The following CPS1 variants were observed in gnomAD, a reference collection of about 807,000 sequenced individuals.
CPS1 encodes the protein carbamoyl-phosphate synthase 1.
Under a neutral mutation model 174.6 loss-of-function variants are expected in CPS1, and 109 were observed. The ratio of observed to expected loss-of-function variants is 0.62; its 90% CI spans 0.53 to 0.73. The LOEUF (loss-of-function observed/expected upper bound fraction) is 0.73. CPS1 is among the 30% of genes least tolerant of loss of function. CPS1 has a pLI of 0.00. For synonymous variants in CPS1, 637 were observed against 632.0 expected (o/e 1.01, Z -0.12); for missense variants, 1,689 against 1,821.9 (o/e 0.93, Z 1.33).
intron 34 of CPS1, chr2:210,672,295 A>G (rs1701336467): frequency 6.6e-6 from 1 of 152,178 alleles, no homozygotes; most frequent in Non-Finnish European, 1.5e-5. Flanking sequence ...GGAAAGTATA[A>G]AAGATTGAGG....
At chr2:210,554,848 C>CACACAA (rs1696855042), upstream of CPS1, among the ~76,000 whole-genome samples, 1 of 151,406 alleles carries the variant, frequency 6.6e-6, no homozygotes, top group Non-Finnish European at 1.5e-5. Flanking sequence ...CACACACACA[C>CACACAA]ACACACACAC....
At chr2:210,494,924 C>T (rs183998571) in intron 1 of CPS1, among the ~76,000 whole-genome samples, 1 of 152,334 alleles carries the variant, frequency 6.6e-6, no homozygotes, top group East Asian at 1.9e-4. Context: ...AAGGCAATGG[C>T]TTTCAGCTAT....
intron 1 of CPS1, among the ~76,000 whole-genome samples, chr2:210,479,836 T>C (rs1409896401): frequency 6.6e-6 from 1 of 152,244 alleles, no homozygotes; most frequent in African/African-American, 2.4e-5. Flanking sequence ...CTTCTTTTAA[T>C]CACTGTAGCT....
intron 1 of CPS1, among the ~76,000 whole-genome samples, chr2:210,496,621 A>G (rs1343348679): frequency 6.6e-6 from 1 of 152,152 alleles, no homozygotes; most frequent in Non-Finnish European, 1.5e-5. Context: ...AGAAGGCATC[A>G]GAGGATACTG....
At position 210,512,764 on chromosome 2, in the gene CPS1, A is replaced by G. The variant is rs1467417203; in HGVS notation, c.3+34998A>G. On this transcript the variant is annotated intron_variant, in intron 1 of 38. Coordinates refer to the CPS1 transcript ENST00000430249. ...TATATATATATATATATATATATAT[A>G]TATATATATATATATATATATGGAG... is the stretch of plus-strand genomic sequence containing the variant. Among the ~76,000 whole-genome samples, 42 of 77,162 alleles carry G rather than the reference A, an allele frequency of 5.4e-4. 3 individuals are homozygous for G. Among genetic ancestry groups the G allele is most frequent in the African/African-American group, 1.6e-3 (22 of 13,790 alleles). 50.6% of individuals were successfully genotyped at this position (77,162 alleles called of 152,430 possible).
At chr2:210,489,254 C>T (rs908892023) in intron 1 of CPS1, among the ~76,000 whole-genome samples, 1 of 152,200 alleles carries the variant, frequency 6.6e-6, no homozygotes, top group Non-Finnish European at 1.5e-5. Flanking sequence ...TCTCTCCTAT[C>T]TCCTAATGGA....
chr2:210,593,594 G>T (rs1305830227), intron 11 of CPS1: 1 of 985,312 alleles, frequency 1.0e-6, no homozygotes, highest in East Asian at 1.1e-4. Context: ...AGAAAAATCT[G>T]AAGTCTATTG....
chr2:210,564,208 T>C (rs898759339), intron 1 of CPS1, among the ~76,000 whole-genome samples: 5 of 152,134 alleles, frequency 3.3e-5, no homozygotes, highest in Non-Finnish European at 7.3e-5. Context: ...AACAATAATA[T>C]CAACATCCAC....
rs369291087 is a variant in CPS1 at position 210,573,428 on chromosome 2, G to T, written c.236+21G>T. On this transcript the variant is annotated intron_variant, in intron 2 of 37. Transcript: ENST00000233072. ...GGAGGGTGAGTAATGCTTTTCCAAGGCTTTATTTTTCCTCTAGTAGAGAAA... is the reference window on the plus strand; with the variant it reads ...GGAGGGTGAGTAATGCTTTTCCAAGTCTTTATTTTTCCTCTAGTAGAGAAA... 4 of 1,557,588 alleles carry T rather than the reference G, an allele frequency of 2.6e-6. No homozygotes were observed. The African/African-American group carries it at 5.4e-5, about 21-fold the overall frequency.
intron 1 of CPS1, among the ~76,000 whole-genome samples, chr2:210,531,581 A>T (rs192260777): frequency 4.4e-4 from 67 of 152,180 alleles, no homozygotes; most frequent in African/African-American, 1.6e-3. Context: ...AAGACAAAAA[A>T]GAAGAGAGAA....
chr2:210,669,728 A>C (rs1701232376), intron 34 of CPS1, among the ~76,000 whole-genome samples: 2 of 152,176 alleles, frequency 1.3e-5, no homozygotes, highest in African/African-American at 4.8e-5. Context: ...TGATAGACTC[A>C]TCATGTTATA....
At position 210,648,498 on chromosome 2, in the gene CPS1, C is replaced by A; in HGVS notation, c.3362C>A (p.Ser1121Tyr). The A allele has an allele frequency of 1.2e-6, 2 of 1,613,570 alleles. No homozygotes were observed. Among genetic ancestry groups the A allele is most frequent in the Non-Finnish European group, 1.7e-6 (2 of 1,179,680 alleles). The change falls in exon 27 of 38, where the codon TCT becomes TAT. Residue 1121 changes from serine (S) to tyrosine (Y), a missense_variant. By Grantham distance (144) the Ser-to-Tyr change is moderately radical (BLOSUM62 -2). Coordinates refer to ENST00000233072, the MANE Select transcript of CPS1 (RefSeq NM_001875.5). ...TLNEALEFAK[S>Y]VDYPCLLRPS... ...AATGAAGCACTGGAATTTGCAAAGT[C>A]TGTGGACTACCCCTGCTTGTTGAGG...
At chr2:210,489,269 C>G (rs1694805403) in intron 1 of CPS1, among the ~76,000 whole-genome samples, 1 of 152,150 alleles carries the variant, frequency 6.6e-6, no homozygotes, top group Non-Finnish European at 1.5e-5. Context: ...AATGGATACT[C>G]TTTGTACCTA....
At chr2:210,489,186 T>G (rs16844536) in intron 1 of CPS1, among the ~76,000 whole-genome samples, 2,445 of 152,308 alleles carry the variant, frequency 0.016, 51 homozygotes, top group Middle Eastern at 0.051. Context: ...ATCTCGAGTT[T>G]AATTTACCTT....
intron 1 of CPS1, among the ~76,000 whole-genome samples, chr2:210,505,442 G>T (rs984824787): frequency 6.6e-6 from 1 of 152,090 alleles, no homozygotes; most frequent in Non-Finnish European, 1.5e-5. Flanking sequence ...AACAGCTCCA[G>T]TCTACTGCTC....
intron 11 of CPS1, chr2:210,593,513 CT>C: frequency 1.0e-6 from 1 of 987,094 alleles, no homozygotes; most frequent in South Asian, 4.7e-5. Flanking sequence ...AATATTTTTA[CT>C]TTTTTGTGTG....
intron 1 of CPS1, among the ~76,000 whole-genome samples, chr2:210,527,702 G>A (rs1696011221): frequency 6.6e-6 from 1 of 151,664 alleles, no homozygotes; most frequent in African/African-American, 2.4e-5. Context: ...TCCATCTTAT[G>A]GACACGTTCA....
rs1213843515 is a variant in CPS1 at position 210,606,724 on chromosome 2, T to C, written c.1982-7T>C. On this transcript the variant is annotated splice_region_variant and splice_polypyrimidine_tract_variant and intron_variant, in intron 17 of 37. Transcript: ENST00000233072. ...CACCAAGTAATGAGTGCTTCTTGGA[T>C]ATATAGGTGACTCAGTTGTTGTGGC... 24 of 1,611,924 alleles carry C rather than the reference T, an allele frequency of 1.5e-5. No individual in the cohort carries two copies. The highest frequency in any genetic ancestry group is 2.0e-5 in the Non-Finnish European group (23 of 1,178,648).
chr2:210,566,620 A>G (rs1277200757), intron 1 of CPS1, among the ~76,000 whole-genome samples: 3 of 152,216 alleles, frequency 2.0e-5, no homozygotes, highest in East Asian at 1.9e-4. Flanking sequence ...GTAAGCTTAG[A>G]AAAAGAAAAA....
Sources: gnomAD v4.1 joint callset for allele counts (sites outside exome capture counted in the v4.1 genomes callset) on GRCh38, gnomAD v4.1.1 for gene constraint, MANE v1.5 for transcripts, NCBI Gene and HGNC (gene_info 2026-07-23, HGNC 2026-07-21) for gene names.